ZBTB20: variants seen among roughly 807,000 people sequenced by gnomAD.
ZBTB20 encodes zinc finger and BTB domain-containing protein 20.
ZBTB20 carries 9 observed loss-of-function variants against 56.9 expected under a neutral mutation model. That is an observed-to-expected ratio of 0.16 (90% confidence interval 0.10 to 0.28). The LOEUF (loss-of-function observed/expected upper bound fraction) is 0.28. Ranked by LOEUF, ZBTB20 falls within the 10% of genes least tolerant of loss-of-function variation. The pLI is 1.00. For missense variants in ZBTB20, 655 were observed against 1,003.0 expected, an observed-to-expected ratio of 0.65 and a Z score of 4.69; for synonymous variants, 417 against 420.7, an observed-to-expected ratio of 0.99 and a Z score of 0.11.
chr3:114,655,604 G>A (rs1409096772), intron 6 of ZBTB20, among the ~76,000 whole-genome samples: 1 of 152,048 alleles, frequency 6.6e-6, no homozygotes, highest in Non-Finnish European at 1.5e-5. Context: ...CCATTCAATT[G>A]CACAACTGGC....
At chr3:115,131,474 C>G (rs2084504138) in intron 1 of ZBTB20, among the ~76,000 whole-genome samples, 1 of 152,060 alleles carries the variant, frequency 6.6e-6, no homozygotes, top group Admixed American at 6.6e-5. Context: ...GCATAATAGC[C>G]CATGGTTGAG....
intron 6 of ZBTB20, among the ~76,000 whole-genome samples, chr3:114,517,079 T>C (rs1199459093): frequency 6.6e-6 from 1 of 152,238 alleles, no homozygotes; most frequent in Admixed American, 6.5e-5. Flanking sequence ...TCTAGGATAT[T>C]GAATGAATGA....
intron 6 of ZBTB20, among the ~76,000 whole-genome samples, chr3:114,565,244 C>T (rs140142256): frequency 6.6e-5 from 10 of 152,254 alleles, no homozygotes; most frequent in Non-Finnish European, 1.0e-4. Flanking sequence ...CTGATCAAGA[C>T]GGTGAAATAC....
chr3:114,763,854 T>A (rs1192830602), intron 5 of ZBTB20, among the ~76,000 whole-genome samples: 1 of 152,022 alleles, frequency 6.6e-6, no homozygotes, highest in Non-Finnish European at 1.5e-5. Flanking sequence ...ATAAATAAAA[T>A]TAAAATGTAA....
intron 5 of ZBTB20, among the ~76,000 whole-genome samples, chr3:114,741,524 AATC>A (rs1414527647): frequency 6.6e-6 from 1 of 152,124 alleles, no homozygotes; most frequent in Non-Finnish European, 1.5e-5. Flanking sequence ...AGGCTTATGA[AATC>A]ATTATTGCTT....
Position 114,320,266 on chromosome 3 carries a change from T to C in ZBTB20, c.*18739A>G, listed in dbSNP as rs1576168125. 6.6e-6 allele frequency: 1 copy of C among 152,328 alleles called. No homozygotes were observed. The highest frequency in any genetic ancestry group is 1.9e-4 in the East Asian group (1 of 5,196). The allele number at this position is 152,328 out of a possible 1,614,324, so 9.4% of individuals were successfully genotyped here. A position where few individuals can be genotyped will look rare whatever the true frequency, so the allele number is the denominator to read the frequency against. ...CCTCATGGTTTTGCTTTGTTTTGTT[T>C]CTGATTTTTTAAACAGTGAAATATG... is the stretch of plus-strand genomic sequence containing the variant. On this transcript the variant is annotated 3_prime_UTR_variant, in exon 12 of 12. Transcript: ENST00000675478.
rs34778141 is a variant in ZBTB20, at chr3:114,822,035, G to GA, written c.-416-20862dup. Among the ~76,000 whole-genome samples, 995 of 152,004 alleles carry GA rather than the reference G, an allele frequency of 6.5e-3. 9 individuals carry two copies. The highest frequency in any genetic ancestry group is 0.023 in the African/African-American group (947 of 41,438). The stretch of plus-strand genomic sequence containing the variant: ...CAAAGTAGGTTTGAGAGAAAGACTT[G>GA]AAAAAAATCTCAGAAATATGTAGAA... On this transcript the variant is annotated intron_variant, in intron 4 of 11. Coordinates refer to ENST00000675478, the MANE Select transcript of ZBTB20 (RefSeq NM_001348800.3).
chr3:114,332,754 C>T lies in ZBTB20; in HGVS notation c.*6251G>A, dbSNP rs1475070317. 6.6e-6 allele frequency: 1 copy of T among 152,146 alleles called. No individual in the cohort carries two copies. The highest frequency in any genetic ancestry group is 2.4e-5 in the African/African-American group (1 of 41,426). 9.4% of individuals were successfully genotyped at this position (152,146 alleles called of 1,614,324 possible). On this transcript the variant is annotated 3_prime_UTR_variant, in exon 12 of 12. Coordinates refer to ENST00000675478, the MANE Select transcript of ZBTB20 (RefSeq NM_001348800.3). ...CTATAAGTAGCCTTTTGTGAAAATA[C>T]CTTAATTGAGGTCACTTAAGATTAG...
chr3:114,471,638 A>G (rs2040140748), intron 7 of ZBTB20, among the ~76,000 whole-genome samples: 1 of 152,160 alleles, frequency 6.6e-6, no homozygotes, highest in East Asian at 1.9e-4. Flanking sequence ...AGGGTGACAG[A>G]TATAGGACTG....
At chr3:114,485,205 T>C (rs944522199) in intron 7 of ZBTB20, among the ~76,000 whole-genome samples, 10 of 152,204 alleles carry the variant, frequency 6.6e-5, no homozygotes, top group Non-Finnish European at 1.2e-4. Flanking sequence ...CTTTTTTTCT[T>C]AGACCAAGTT....
chr3:114,595,636 C>T (rs1406306697), intron 6 of ZBTB20, among the ~76,000 whole-genome samples: 1 of 152,182 alleles, frequency 6.6e-6, no homozygotes, highest in African/African-American at 2.4e-5. Flanking sequence ...CCTTGGATAT[C>T]TGGAAACCTG....
At chr3:114,341,109 T>C (rs2079727473) in intron 11 of ZBTB20, among the ~76,000 whole-genome samples, 1 of 152,240 alleles carries the variant, frequency 6.6e-6, no homozygotes, top group South Asian at 2.1e-4. Flanking sequence ...AGATATGTTT[T>C]GAAGCACACT....
chr3:114,628,626 A>G (rs1047287669), intron 6 of ZBTB20, among the ~76,000 whole-genome samples: 4 of 152,154 alleles, frequency 2.6e-5, no homozygotes, highest in African/African-American at 9.7e-5. Context: ...GCATACTAAT[A>G]AGAGCCAAGA....
chr3:114,517,620 A>C (rs1415193416), intron 6 of ZBTB20, among the ~76,000 whole-genome samples: 2 of 150,750 alleles, frequency 1.3e-5, no homozygotes, highest in Admixed American at 6.6e-5. Flanking sequence ...TCTGTTGCCC[A>C]GGCTGAAGTG....
At chr3:114,753,632 C>T (rs2067777087) in intron 5 of ZBTB20, among the ~76,000 whole-genome samples, 1 of 151,780 alleles carries the variant, frequency 6.6e-6, no homozygotes, top group African/African-American at 2.4e-5. Context: ...CGGGGTTTTG[C>T]CATGATGGCC....
intron 7 of ZBTB20, among the ~76,000 whole-genome samples, chr3:114,454,396 C>T (rs1029037742): frequency 6.6e-6 from 1 of 151,740 alleles, no homozygotes; most frequent in African/African-American, 2.4e-5. Flanking sequence ...TTCCCACCCC[C>T]CGTTGTACTG....
intron 6 of ZBTB20, among the ~76,000 whole-genome samples, chr3:114,651,193 T>C (rs2060110070): frequency 6.6e-6 from 1 of 152,072 alleles, no homozygotes; most frequent in African/African-American, 2.4e-5. Flanking sequence ...ATTCAGGTAT[T>C]AAGTGCTTTA....
intron 5 of ZBTB20, among the ~76,000 whole-genome samples, chr3:114,750,887 C>A (rs987908191): frequency 6.6e-6 from 1 of 152,120 alleles, no homozygotes; most frequent in Non-Finnish European, 1.5e-5. Context: ...GGTATTCCTG[C>A]TATTCATTTG....
chr3:114,469,842 T>G (rs1202836390), intron 7 of ZBTB20, among the ~76,000 whole-genome samples: 1 of 152,188 alleles, frequency 6.6e-6, no homozygotes, highest in Non-Finnish European at 1.5e-5. Flanking sequence ...TGTTATTTCA[T>G]TTGCCATTGG....
Sources: gnomAD v4.1 joint callset for allele counts (sites outside exome capture counted in the v4.1 genomes callset) on GRCh38, gnomAD v4.1.1 for gene constraint, MANE v1.5 for transcripts, NCBI Gene and HGNC (gene_info 2026-07-23, HGNC 2026-07-21) for gene names.